The following ARMC2 variants were observed in gnomAD, a reference collection of about 807,000 sequenced individuals.
ARMC2 encodes the protein armadillo repeat-containing protein 2.
In ARMC2, 67 loss-of-function variants were observed where a neutral mutation model predicts 90.3. That is an observed-to-expected ratio of 0.74 (90% CI 0.61 to 0.91). The LOEUF is 0.91. Ranked by LOEUF, ARMC2 falls within the 40% of genes least tolerant of loss-of-function variation. The pLI is 0.00. For missense variants in ARMC2, 920 were observed against 1,030.9 expected, an observed-to-expected ratio of 0.89 and a Z score of 1.47; for synonymous variants, 393 against 393.0, an observed-to-expected ratio of 1.00 and a Z score of 0.00.
the ARMC2 span, among the ~76,000 whole-genome samples, chr6:109,029,809 G>C: frequency 2.0e-5 from 3 of 152,112 alleles, no homozygotes; most frequent in African/African-American, 7.2e-5. Flanking sequence ...TGGGATTATA[G>C]GTGTAAGCCA....
At chr6:108,857,278 C>T (rs1297296142) in intron 2 of ARMC2, among the ~76,000 whole-genome samples, 2 of 152,102 alleles carry the variant, frequency 1.3e-5, no homozygotes, top group Non-Finnish European at 2.9e-5. Context: ...TAGATTTTAT[C>T]CATATCTTGT....
At chr6:108,907,098 G>C (rs141174300) in intron 8 of ARMC2, among the ~76,000 whole-genome samples, 1,740 of 152,236 alleles carry the variant, frequency 0.011, 7 homozygotes, top group South Asian at 0.031. Flanking sequence ...AGCAGGCCTG[G>C]AAATTGTAGT....
intron 8 of ARMC2, among the ~76,000 whole-genome samples, chr6:108,908,424 A>G (rs1178269141): frequency 6.6e-6 from 1 of 152,156 alleles, no homozygotes; most frequent in Non-Finnish European, 1.5e-5. Flanking sequence ...CCCAGTAAAT[A>G]CTTGTGGATC....
At chr6:108,884,772 C>T (rs763457294) in intron 5 of ARMC2, among the ~76,000 whole-genome samples, 6 of 152,106 alleles carry the variant, frequency 3.9e-5, no homozygotes, top group Non-Finnish European at 5.9e-5. Flanking sequence ...AGGTGACTTT[C>T]GCTGTCAGTT....
At chr6:108,960,831 A>C (rs1777949733) in intron 13 of ARMC2, among the ~76,000 whole-genome samples, 1 of 152,180 alleles carries the variant, frequency 6.6e-6, no homozygotes. Flanking sequence ...GCATGCTGGC[A>C]TATTCCAAGA....
At chr6:109,015,284 A>G in the ARMC2 span, among the ~76,000 whole-genome samples, 18 of 152,012 alleles carry the variant, frequency 1.2e-4, no homozygotes, top group Non-Finnish European at 2.4e-4. Context: ...TAGATACCCA[A>G]GCTCCTTTGA....
chr6:108,876,095 C>T (rs1302876407), intron 4 of ARMC2, 48 bp from the exon 5 acceptor site: 1 of 1,404,238 alleles, frequency 7.1e-7, no homozygotes, highest in Non-Finnish European at 9.8e-7. Context: ...GGTAGTGATT[C>T]CTAAAATAAG....
the ARMC2 span, among the ~76,000 whole-genome samples, chr6:109,012,848 C>G: frequency 6.6e-6 from 1 of 152,038 alleles, no homozygotes; most frequent in African/African-American, 2.4e-5. Context: ...GGCGTGGTGG[C>G]TTACGCCTGT....
chr6:108,993,430 G>GT, the ARMC2 span, among the ~76,000 whole-genome samples: 3 of 152,212 alleles, frequency 2.0e-5, no homozygotes, highest in East Asian at 5.8e-4. Flanking sequence ...TTTCATGTAA[G>GT]TGTATCATTA....
intron 5 of ARMC2, among the ~76,000 whole-genome samples, chr6:108,886,412 G>A (rs992614336): frequency 1.3e-5 from 2 of 152,150 alleles, no homozygotes; most frequent in Non-Finnish European, 2.9e-5. Flanking sequence ...CCAAAAATTA[G>A]CCGGGTGTGG....
the ARMC2 span, chr6:108,994,669 T>C: frequency 7.6e-7 from 1 of 1,311,170 alleles, no homozygotes; most frequent in Non-Finnish European, 1.0e-6. Flanking sequence ...ATGAATTATC[T>C]TTTAAGTCTG....
Position 108,854,324 on chromosome 6 carries a change from AGT to A in ARMC2, c.60_61del (p.Ser21GlnfsTer11). On this transcript the variant is annotated frameshift_variant, in exon 2 of 18. Transcript: ENST00000392644. LOFTEE classifies it high-confidence loss of function. ...GKLDPFYQPS[V>X]SKQKTSAEII... ...AACTGGATCCATTTTATCAACCTTC[AGT>A]GTCCAAGCAGAAGACCAGTGCAGAA... is the stretch of plus-strand genomic sequence containing the variant. The A allele has an allele frequency of 6.2e-7, 1 of 1,612,824 alleles. No homozygotes were observed. The highest frequency in any genetic ancestry group is 1.6e-4 in the Middle Eastern group (1 of 6,062).
chr6:108,983,756 G>C, the ARMC2 span, among the ~76,000 whole-genome samples: 1 of 152,318 alleles, frequency 6.6e-6, no homozygotes, highest in East Asian at 1.9e-4. Context: ...ATTTTGGCAT[G>C]GAATTCTCTA....
chr6:109,001,195 T>A, the ARMC2 span: 1 of 1,026,690 alleles, frequency 9.7e-7, no homozygotes, highest in South Asian at 1.6e-5. Flanking sequence ...TATCATAATC[T>A]AAGTATTTAT....
At chr6:108,989,559 C>T in the ARMC2 span, among the ~76,000 whole-genome samples, 60 of 103,260 alleles carry the variant, frequency 5.8e-4, 1 homozygote, top group Middle Eastern at 6.0e-3. Flanking sequence ...AGATCTAGAT[C>T]TCTAGATCTA....
At chr6:108,871,811 T>G (rs1776446297) in intron 4 of ARMC2, among the ~76,000 whole-genome samples, 1 of 152,192 alleles carries the variant, frequency 6.6e-6, no homozygotes, top group Non-Finnish European at 1.5e-5. Context: ...TGAGGCCAGC[T>G]TCACACCTCC....
At chr6:108,975,754 G>C (rs992234764), downstream of ARMC2, among the ~76,000 whole-genome samples, 10 of 152,226 alleles carry the variant, frequency 6.6e-5, no homozygotes, top group African/African-American at 2.2e-4. Context: ...CTAATGACCA[G>C]TGATGATGAG....
chr6:109,009,387 T>G, the ARMC2 span: 5 of 1,466,652 alleles, frequency 3.4e-6, no homozygotes, highest in Non-Finnish European at 4.5e-6. Flanking sequence ...CCCGCCGCAC[T>G]GCTTGCAGCC....
chr6:108,886,414 C>T (rs1032859700), intron 5 of ARMC2, among the ~76,000 whole-genome samples: 11 of 152,066 alleles, frequency 7.2e-5, no homozygotes, highest in Non-Finnish European at 1.3e-4. Context: ...AAAAATTAGC[C>T]GGGTGTGGTG....
Sources: gnomAD v4.1 joint callset for allele counts (sites outside exome capture counted in the v4.1 genomes callset) on GRCh38, gnomAD v4.1.1 for gene constraint, MANE v1.5 for transcripts, NCBI Gene and HGNC (gene_info 2026-07-23, HGNC 2026-07-21) for gene names.